The following SLC9A7 variants were observed in gnomAD, a reference collection of about 807,000 sequenced individuals.
SLC9A7 encodes the protein solute carrier family 9 member A7.
SLC9A7 carries 19 observed loss-of-function variants against 52.6 expected under a neutral mutation model. The observed-to-expected ratio is 0.36, with a 90% CI of 0.25 to 0.53. SLC9A7 has a LOEUF of 0.53. Among genes scored for constraint, SLC9A7 ranks in the 20% least tolerant of loss-of-function variants. The probability of loss-of-function intolerance (pLI) is 0.91; values close to 1 mark genes in which losing one functional copy is unlikely to be tolerated. For synonymous variants in SLC9A7, 226 were observed against 252.1 expected (o/e 0.90, Z 0.98); for missense variants, 455 against 597.9 (o/e 0.76, Z 2.49).
intron 5 of SLC9A7, among the ~76,000 whole-genome samples, chrX:46,668,017 T>C (rs943021888): frequency 2.7e-5 from 3 of 112,057 alleles, no homozygotes; most frequent in Non-Finnish European, 5.6e-5. Flanking sequence ...TGCACAGTCC[T>C]GCAGGAATGC....
At chrX:46,710,446 A>G (rs1392576652) in intron 1 of SLC9A7, among the ~76,000 whole-genome samples, 1 of 112,010 alleles carries the variant, frequency 8.9e-6, no homozygotes, top group Non-Finnish European at 1.9e-5. Flanking sequence ...CAAAATTGTC[A>G]TATGTTGGAT....
At chrX:46,667,129 G>A (rs1362320725) in intron 5 of SLC9A7, among the ~76,000 whole-genome samples, 1 of 111,770 alleles carries the variant, frequency 8.9e-6, no homozygotes, top group Non-Finnish European at 1.9e-5. Flanking sequence ...CCTTACACGT[G>A]TTGTTTCATT....
intron 1 of SLC9A7, among the ~76,000 whole-genome samples, chrX:46,721,418 G>GA (rs1944858695): frequency 8.9e-6 from 1 of 112,079 alleles, no homozygotes; most frequent in Non-Finnish European, 1.9e-5. Context: ...ACCCTGGATA[G>GA]AAATTAGAGC....
At chrX:46,739,825 G>T (rs1921204362) in intron 1 of SLC9A7, among the ~76,000 whole-genome samples, 1 of 111,550 alleles carries the variant, frequency 9.0e-6, no homozygotes, top group African/African-American at 3.3e-5. Flanking sequence ...AATCACTACA[G>T]TATCACCATC....
intron 1 of SLC9A7, among the ~76,000 whole-genome samples, chrX:46,688,585 G>A (rs1330260403): frequency 3.4e-5 from 3 of 87,790 alleles, no homozygotes; most frequent in African/African-American, 4.5e-5. Context: ...CAACAAGAGC[G>A]AAACTCCGCC....
At chrX:46,628,473 A>G (rs1943172343) in intron 14 of SLC9A7, among the ~76,000 whole-genome samples, 1 of 111,895 alleles carries the variant, frequency 8.9e-6, no homozygotes. Context: ...TCTGCCCACA[A>G]TATTTTTATG....
rs1040959389 is a variant in SLC9A7, at chrX:46,601,404, C to T, written c.*5548G>A. The T allele has an allele frequency of 5.3e-5, 6 of 112,484 alleles. No individual in the cohort carries two copies. Among genetic ancestry groups the T allele is most frequent in the South Asian group, 3.6e-4 (1 of 2,749 alleles). The allele number at this position is 112,484 out of a possible 1,213,427, so 9.3% of individuals were successfully genotyped here. On this transcript the variant is annotated 3_prime_UTR_variant, in exon 17 of 17. Coordinates refer to ENST00000616978, the MANE Select transcript of SLC9A7 (RefSeq NM_001257291.2). Reference sequence around the variant, plus strand: ...AGGGAGAGATAGGATGATGGGATGACGTCAAACAGACCAACAGACCTCTAT... The same window carrying T: ...AGGGAGAGATAGGATGATGGGATGATGTCAAACAGACCAACAGACCTCTAT...
chrX:46,682,580 G>A (rs771362847), intron 1 of SLC9A7, 45 bp from the exon 2 acceptor site: 41 of 1,087,182 alleles, frequency 3.8e-5, no homozygotes, highest in Non-Finnish European at 4.9e-5. Flanking sequence ...GAAGGATAGA[G>A]AAAGTGTGGA....
At chrX:46,618,946 A>G (rs1259451189) in intron 15 of SLC9A7, among the ~76,000 whole-genome samples, 1 of 108,475 alleles carries the variant, frequency 9.2e-6, no homozygotes, top group East Asian at 2.8e-4. Flanking sequence ...TCTGTCTCAA[A>G]AAAAAAAAAA....
chrX:46,668,978 T>G (rs979266935), intron 5 of SLC9A7, among the ~76,000 whole-genome samples: 1 of 110,017 alleles, frequency 9.1e-6, no homozygotes, highest in South Asian at 3.9e-4. Context: ...CCATCCTGGC[T>G]AACACGGTGA....
chrX:46,642,350 C>CT (rs1311235444), intron 12 of SLC9A7, among the ~76,000 whole-genome samples: 1 of 112,819 alleles, frequency 8.9e-6, no homozygotes, highest in African/African-American at 3.2e-5. Context: ...CACCTTTGCA[C>CT]TACCCAAGTG....
intron 1 of SLC9A7, among the ~76,000 whole-genome samples, chrX:46,747,768 C>G (rs1921886053): frequency 9.0e-6 from 1 of 111,327 alleles, no homozygotes; most frequent in Non-Finnish European, 1.9e-5. Context: ...ATACAGATAG[C>G]CAAAAAGTAC....
chrX:46,678,207 T>G (rs1288115430), intron 3 of SLC9A7, among the ~76,000 whole-genome samples: 1 of 110,289 alleles, frequency 9.1e-6, no homozygotes. Flanking sequence ...ATCCTAAGGA[T>G]GTTGTTGAGT....
chrX:46,727,453 G>A (rs1425569400), intron 1 of SLC9A7, among the ~76,000 whole-genome samples: 1 of 112,332 alleles, frequency 8.9e-6, no homozygotes, highest in Non-Finnish European at 1.9e-5. Context: ...TAAAAGTTCC[G>A]ATGTCTGGAT....
At chrX:46,664,882 A>G (rs1278817700) in intron 5 of SLC9A7, among the ~76,000 whole-genome samples, 1 of 110,734 alleles carries the variant, frequency 9.0e-6, no homozygotes, top group Non-Finnish European at 1.9e-5. Context: ...CCTCCCAAGT[A>G]GATGGGACCA....
chrX:46,734,382 G>A (rs5906265), intron 1 of SLC9A7, among the ~76,000 whole-genome samples: 24,521 of 110,693 alleles, frequency 0.22, 2,292 homozygotes, highest in South Asian at 0.41. Context: ...TATTATAGAC[G>A]GAAAGACCCT....
chrX:46,759,044 C>T lies in SLC9A7; in HGVS notation c.-15G>A, dbSNP rs782723371. The T allele has an allele frequency of 0.013, 11,870 of 915,778 alleles. 828 individuals are homozygous for T. In the African/African-American group the frequency reaches 0.21, roughly 16 times the overall value. 75.5% of individuals were successfully genotyped at this position (915,778 alleles called of 1,213,427 possible). On this transcript the variant is annotated 5_prime_UTR_variant, in exon 1 of 17. Coordinates refer to ENST00000616978, the MANE Select transcript of SLC9A7 (RefSeq NM_001257291.2). ...CCAGGCTCCATGGTCCCGGGGCCCC[C>T]CGCGCCTCCTCCGAGCGGGGACCAG...
chrX:46,669,799 T>C (rs1430714764), intron 4 of SLC9A7, 80 bp from the exon 5 acceptor site: 6 of 433,494 alleles, frequency 1.4e-5, no homozygotes, highest in South Asian at 1.2e-4. Context: ...AGCACTAGAA[T>C]GCTGCTCTTA....
intron 15 of SLC9A7, among the ~76,000 whole-genome samples, chrX:46,616,332 A>AC (rs201919485): frequency 3.7e-4 from 36 of 98,250 alleles, no homozygotes; most frequent in Non-Finnish European, 6.1e-4. Context: ...AAAAAAACCC[A>AC]CCCCCCCAAA....
Sources: gnomAD v4.1 joint callset for allele counts (sites outside exome capture counted in the v4.1 genomes callset) on GRCh38, gnomAD v4.1.1 for gene constraint, MANE v1.5 for transcripts, NCBI Gene and HGNC (gene_info 2026-07-23, HGNC 2026-07-21) for gene names.